SPAG16: variants seen among roughly 807,000 people sequenced by gnomAD.
The protein encoded by SPAG16 is sperm-associated antigen 16 protein.
In SPAG16, 86 loss-of-function variants were observed where a neutral mutation model predicts 80.4. The observed-to-expected ratio is 1.07, with a 90% CI of 0.90 to 1.28. SPAG16 has a LOEUF of 1.28. Ranked by LOEUF, SPAG16 falls within the 50% of genes most tolerant of loss-of-function variation. SPAG16 has a pLI of 0.00. For synonymous variants in SPAG16, 294 were observed against 265.9 expected, an observed-to-expected ratio of 1.11 and a Z score of -1.03; for missense variants, 870 against 765.3, an observed-to-expected ratio of 1.14 and a Z score of -1.61.
chr2:214,083,326 TG>T (rs1431476699), intron 13 of SPAG16, among the ~76,000 whole-genome samples: 1 of 152,174 alleles, frequency 6.6e-6, no homozygotes, highest in Non-Finnish European at 1.5e-5. Flanking sequence ...TGTGGGTATA[TG>T]GATCAGTCTT....
intron 10 of SPAG16, among the ~76,000 whole-genome samples, chr2:213,831,303 G>T (rs1021906931): frequency 4.6e-5 from 7 of 151,890 alleles, no homozygotes; most frequent in African/African-American, 1.7e-4. Flanking sequence ...CTCCCAAAGT[G>T]CTGGGATTAC....
chr2:213,851,982 T>C (rs1245076962), intron 10 of SPAG16, among the ~76,000 whole-genome samples: 1 of 152,254 alleles, frequency 6.6e-6, no homozygotes. Context: ...TTCATCTTTT[T>C]CACATTTACT....
intron 14 of SPAG16, among the ~76,000 whole-genome samples, chr2:214,109,883 T>G (rs997128521): frequency 4.6e-5 from 7 of 152,202 alleles, no homozygotes; most frequent in African/African-American, 9.6e-5. Flanking sequence ...AAGTGGCGTA[T>G]AGCTTCACAT....
intron 15 of SPAG16, among the ~76,000 whole-genome samples, chr2:214,390,209 C>T (rs1268380648): frequency 6.6e-6 from 1 of 151,998 alleles, no homozygotes; most frequent in Non-Finnish European, 1.5e-5. Context: ...GTAATGGCCT[C>T]CTTCCTAGGT....
chr2:213,495,279 G>T (rs1222737485), intron 10 of SPAG16, among the ~76,000 whole-genome samples: 1 of 152,200 alleles, frequency 6.6e-6, no homozygotes, highest in South Asian at 2.1e-4. Flanking sequence ...CTTCCAGTGG[G>T]ATTCACTGTT....
intron 10 of SPAG16, among the ~76,000 whole-genome samples, chr2:213,643,523 T>G (rs1356542581): frequency 2.7e-5 from 4 of 148,674 alleles, no homozygotes; most frequent in Admixed American, 6.7e-5. Context: ...TTCTACAACC[T>G]TCTTGTACTT....
At chr2:213,925,914 T>A (rs1575569489) in intron 11 of SPAG16, among the ~76,000 whole-genome samples, 1 of 152,170 alleles carries the variant, frequency 6.6e-6, no homozygotes, top group East Asian at 1.9e-4. Context: ...ATAATTCTTA[T>A]TATTGCCAAT....
rs2046482679 is a variant in SPAG16, at chr2:213,995,716, A to G, written c.1401-18235A>G. 2.0e-5 allele frequency among the ~76,000 whole-genome samples: 3 copies of G among 152,140 alleles called. 1 individual carries two copies. On this transcript the variant is annotated intron_variant, in intron 12 of 15. Transcript: ENST00000331683. ...GGTCATCTGCCCACTGCTGAAATAA[A>G]TGTTCAGTGTCCCAGCTTCATGGTA...
intron 10 of SPAG16, among the ~76,000 whole-genome samples, chr2:213,678,022 G>C (rs569973520): frequency 6.6e-6 from 1 of 151,688 alleles, no homozygotes; most frequent in Non-Finnish European, 1.5e-5. Flanking sequence ...ATGACTACTG[G>C]GTACATAACG....
At chr2:213,703,008 C>T (rs767877909) in intron 10 of SPAG16, among the ~76,000 whole-genome samples, 1 of 152,132 alleles carries the variant, frequency 6.6e-6, no homozygotes, top group Non-Finnish European at 1.5e-5. Flanking sequence ...CAGGTGTGCT[C>T]ATGTGATATG....
At chr2:213,427,152 C>T (rs56169433) in intron 9 of SPAG16, among the ~76,000 whole-genome samples, 13,894 of 152,048 alleles carry the variant, frequency 0.091, 1,627 homozygotes, top group African/African-American at 0.27. Flanking sequence ...TGTCTGGCAC[C>T]TGTATGAGAA....
chr2:214,315,771 A>G (rs1351841567), intron 15 of SPAG16, among the ~76,000 whole-genome samples: 1 of 152,090 alleles, frequency 6.6e-6, no homozygotes, highest in East Asian at 1.9e-4. Flanking sequence ...GACTCAAGCA[A>G]TCCTTTCACT....
At chr2:213,808,716 T>C (rs1324632852) in intron 10 of SPAG16, among the ~76,000 whole-genome samples, 1 of 152,170 alleles carries the variant, frequency 6.6e-6, no homozygotes, top group Admixed American at 6.5e-5. Context: ...TTTTTAGAAC[T>C]GAGGTATCTT....
chr2:213,441,550 TG>T (rs2125531218), intron 9 of SPAG16, among the ~76,000 whole-genome samples: 1 of 152,342 alleles, frequency 6.6e-6, no homozygotes, highest in Middle Eastern at 3.4e-3. Context: ...TTTTTTGACC[TG>T]GGTGGTAATT....
chr2:213,846,628 C>G (rs2074641718), intron 10 of SPAG16, among the ~76,000 whole-genome samples: 1 of 152,032 alleles, frequency 6.6e-6, no homozygotes. Flanking sequence ...CATTCTAATA[C>G]AGTGAGACCC....
intron 15 of SPAG16, among the ~76,000 whole-genome samples, chr2:214,174,993 C>A (rs2057020456): frequency 6.6e-6 from 1 of 151,538 alleles, no homozygotes; most frequent in Non-Finnish European, 1.5e-5. Context: ...CTCTACCCTG[C>A]AGAAGCCAGT....
At chr2:213,965,489 G>C (rs766293970) in intron 12 of SPAG16, among the ~76,000 whole-genome samples, 4 of 152,188 alleles carry the variant, frequency 2.6e-5, no homozygotes, top group Admixed American at 6.5e-5. Context: ...TTGCTCCACA[G>C]TTTGCTCCAA....
At chr2:213,700,420 C>A (rs964768433) in intron 10 of SPAG16, among the ~76,000 whole-genome samples, 1 of 147,810 alleles carries the variant, frequency 6.8e-6, no homozygotes, top group African/African-American at 2.4e-5. Context: ...AAATATAACA[C>A]ATCATATTTA....
intron 9 of SPAG16, among the ~76,000 whole-genome samples, chr2:213,434,354 A>G (rs1020158793): frequency 2.0e-5 from 3 of 152,234 alleles, no homozygotes; most frequent in African/African-American, 7.2e-5. Flanking sequence ...AAGACCTGAT[A>G]CTATTAAAAT....
Sources: gnomAD v4.1 joint callset for allele counts (sites outside exome capture counted in the v4.1 genomes callset) on GRCh38, gnomAD v4.1.1 for gene constraint, MANE v1.5 for transcripts, NCBI Gene and HGNC (gene_info 2026-07-23, HGNC 2026-07-21) for gene names.